Variants in VTI1A observed in about 807,000 individuals in gnomAD.
VTI1A encodes the protein vesicle transport through interaction with t-SNAREs homolog 1A.
VTI1A carries 22 observed loss-of-function variants against 34.9 expected under a neutral mutation model. The observed-to-expected ratio is 0.63, with a 90% confidence interval of 0.45 to 0.90. VTI1A has a LOEUF of 0.90. Among genes scored for constraint, VTI1A ranks in the 40% least tolerant of loss-of-function variants. The pLI is 0.00. For synonymous variants in VTI1A, 87 were observed against 97.3 expected, an observed-to-expected ratio of 0.89 and a Z score of 0.62; for missense variants, 268 against 275.6, an observed-to-expected ratio of 0.97 and a Z score of 0.20.
At chr10:112,731,422 A>AT (rs1447513450) in intron 7 of VTI1A, among the ~76,000 whole-genome samples, 2 of 152,112 alleles carry the variant, frequency 1.3e-5, no homozygotes, top group African/African-American at 4.8e-5. Context: ...AAAATACAAA[A>AT]AAATTAGCCA....
intron 5 of VTI1A, among the ~76,000 whole-genome samples, chr10:112,659,899 TA>T (rs1174043647): frequency 2.6e-5 from 4 of 152,238 alleles, no homozygotes; most frequent in African/African-American, 7.2e-5. Flanking sequence ...CCAAGGAGGC[TA>T]CTGTATGAAG....
the VTI1A span, among the ~76,000 whole-genome samples, chr10:112,847,495 G>A: frequency 2.0e-5 from 3 of 152,288 alleles, no homozygotes; most frequent in African/African-American, 7.2e-5. Context: ...AAGCAAGAAT[G>A]GGAATCAAAT....
At chr10:112,627,620 C>T (rs928958004) in intron 5 of VTI1A, among the ~76,000 whole-genome samples, 1 of 152,000 alleles carries the variant, frequency 6.6e-6, no homozygotes, top group African/African-American at 2.4e-5. Context: ...TATCTAAGTA[C>T]GTTTATATGT....
At chr10:112,539,009 A>G (rs1300610101) in intron 5 of VTI1A, among the ~76,000 whole-genome samples, 2 of 152,220 alleles carry the variant, frequency 1.3e-5, no homozygotes, top group African/African-American at 4.8e-5. Flanking sequence ...CTTAAAATGA[A>G]CATGCTTTTT....
chr10:112,613,851 C>A (rs553658807), intron 5 of VTI1A, among the ~76,000 whole-genome samples: 1 of 152,268 alleles, frequency 6.6e-6, no homozygotes, highest in Admixed American at 6.5e-5. Flanking sequence ...GGAGCTTGGG[C>A]GATACTGTAC....
Position 112,472,516 on chromosome 10 carries a change from AAGCC to A in VTI1A, c.264+7862_264+7865del, listed in dbSNP as rs1187315535. On this transcript the variant is annotated intron_variant, in intron 3 of 7. Coordinates refer to ENST00000393077, the MANE Select transcript of VTI1A (RefSeq NM_145206.4). Reference sequence around the variant, plus strand: ...ACTTGAGTATCTGAGTTTATGAGTAAAGCCAGTACCCATATTCTTTTTTTTTTTT... The same window carrying A: ...ACTTGAGTATCTGAGTTTATGAGTAAAGTACCCATATTCTTTTTTTTTTTT... Among the ~76,000 whole-genome samples, 11 of 152,038 alleles carry A rather than the reference AAGCC, an allele frequency of 7.2e-5. No individual in the cohort carries two copies. The East Asian group carries it at 2.1e-3, about 29-fold the overall frequency.
Position 112,538,260 on chromosome 10 carries a change from C to T in VTI1A, c.357C>T (p.Leu119=), listed in dbSNP as rs138856211. The T allele has an allele frequency of 1.2e-5, 20 of 1,611,976 alleles. No individual in the cohort carries two copies. Among genetic ancestry groups the T allele is most frequent in the Non-Finnish European group, 1.6e-5 (19 of 1,179,288 alleles). ...NSSENQRAHL[L]DNTERLERSS... ...TTCTTTTTCAGAGGGCACATCTGCT[C>T]GATAACACAGAGAGGCTGGAAAGGT... The change falls in exon 5 of 8, where the codon CTC becomes CTT. Residue 119 remains leucine (L), a synonymous_variant. Transcript: ENST00000393077.
intron 5 of VTI1A, among the ~76,000 whole-genome samples, chr10:112,665,633 A>G (rs1479140350): frequency 6.6e-6 from 1 of 152,088 alleles, no homozygotes; most frequent in Non-Finnish European, 1.5e-5. Flanking sequence ...CTGTTTGTTG[A>G]TTCCTTCAGT....
intron 5 of VTI1A, among the ~76,000 whole-genome samples, chr10:112,571,540 A>T (rs1852121490): frequency 6.6e-6 from 1 of 152,208 alleles, no homozygotes; most frequent in Non-Finnish European, 1.5e-5. Context: ...CGTTGGTGGG[A>T]ATGTAAATTA....
At chr10:112,700,933 A>G (rs1316863654) in intron 7 of VTI1A, among the ~76,000 whole-genome samples, 1 of 152,242 alleles carries the variant, frequency 6.6e-6, no homozygotes, top group Non-Finnish European at 1.5e-5. Context: ...TTGATTTTAC[A>G]GGTAACTTGT....
chr10:112,772,482 A>G (rs548262978), intron 7 of VTI1A, among the ~76,000 whole-genome samples: 6 of 152,310 alleles, frequency 3.9e-5, no homozygotes, highest in East Asian at 1.9e-4. Context: ...ATGTTCTCCT[A>G]TTCTACAGCG....
intron 7 of VTI1A, among the ~76,000 whole-genome samples, chr10:112,771,143 G>A (rs1047695878): frequency 6.6e-6 from 1 of 152,152 alleles, no homozygotes; most frequent in African/African-American, 2.4e-5. Context: ...GGTGGACCTG[G>A]GTTCAAACCC....
intron 1 of VTI1A, chr10:112,450,737 C>G (rs1847207428): frequency 6.6e-6 from 1 of 152,146 alleles, no homozygotes; most frequent in Non-Finnish European, 1.5e-5. Context: ...GTGTTTGAAT[C>G]TTAACTAATT....
At chr10:112,705,798 C>A (rs1018514149) in intron 7 of VTI1A, among the ~76,000 whole-genome samples, 6 of 152,208 alleles carry the variant, frequency 3.9e-5, no homozygotes, top group Non-Finnish European at 5.9e-5. Context: ...TTCCAAGGAA[C>A]CTTAACATTT....
intron 3 of VTI1A, among the ~76,000 whole-genome samples, chr10:112,499,085 C>G (rs887273458): frequency 2.6e-5 from 4 of 152,052 alleles, no homozygotes; most frequent in African/African-American, 9.7e-5. Flanking sequence ...ACAAATATTT[C>G]AACATTAGGT....
chr10:112,569,357 TC>T (rs1852032744), intron 5 of VTI1A, among the ~76,000 whole-genome samples: 1 of 152,102 alleles, frequency 6.6e-6, no homozygotes, highest in East Asian at 1.9e-4. Flanking sequence ...TATACTGAGG[TC>T]CAGAGAGGTT....
chr10:112,501,617 A>T (rs1484932277), intron 3 of VTI1A, among the ~76,000 whole-genome samples: 1 of 152,128 alleles, frequency 6.6e-6, no homozygotes, highest in Non-Finnish European at 1.5e-5. Context: ...TTAGCTACTA[A>T]TTGGAAGTAA....
At chr10:112,651,220 CATG>C (rs2133801227) in intron 5 of VTI1A, among the ~76,000 whole-genome samples, 1 of 152,310 alleles carries the variant, frequency 6.6e-6, no homozygotes, top group Admixed American at 6.5e-5. Flanking sequence ...ATGGTTTTTA[CATG>C]ATATTTTAAA....
chr10:112,752,381 C>A, intron 7 of VTI1A: 3 of 985,394 alleles, frequency 3.0e-6, no homozygotes, highest in Non-Finnish European at 3.6e-6. Flanking sequence ...ACATTATCGA[C>A]TAGTCTGAAG....
Sources: allele counts gnomAD v4.1 joint callset (sites outside exome capture counted in the v4.1 genomes callset), GRCh38; gene constraint gnomAD v4.1.1; transcripts MANE v1.5; gene names NCBI Gene and HGNC (gene_info 2026-07-23, HGNC 2026-07-21).